Variants in MNAT1 observed in about 807,000 individuals in gnomAD.
MNAT1 encodes CDK-activating kinase assembly factor MAT1.
In MNAT1, 43 loss-of-function variants were observed where a neutral mutation model predicts 42.0. That is an observed-to-expected ratio of 1.02 (90% CI 0.80 to 1.32). MNAT1 has a LOEUF of 1.32. Ranked by LOEUF, MNAT1 falls within the 40% of genes most tolerant of loss-of-function variation. MNAT1 has a pLI of 0.00. For missense variants in MNAT1, 306 were observed against 350.4 expected, an observed-to-expected ratio of 0.87 and a Z score of 1.01; for synonymous variants, 118 against 120.0, an observed-to-expected ratio of 0.98 and a Z score of 0.11.
At chr14:60,860,703 G>A (rs1198128320) in intron 6 of MNAT1, among the ~76,000 whole-genome samples, 1 of 152,054 alleles carries the variant, frequency 6.6e-6, no homozygotes, top group Non-Finnish European at 1.5e-5. Flanking sequence ...GGATTTGACT[G>A]TTCAGAACTC....
At chr14:60,952,965 G>A (rs1017854427) in intron 7 of MNAT1, among the ~76,000 whole-genome samples, 1 of 152,034 alleles carries the variant, frequency 6.6e-6, no homozygotes, top group Non-Finnish European at 1.5e-5. Flanking sequence ...TGATATTATG[G>A]AAATCAGAAA....
rs1426933775 is a variant in MNAT1 at position 60,968,612 on chromosome 14, CTA to C, written c.*267_*268del. Reference sequence around the variant, plus strand: ...TGGAAGAGAGGAATAAATAATTCACCTATATGTGTTTGAGGTTGTGACAGACT... The same window carrying C: ...TGGAAGAGAGGAATAAATAATTCACCTATGTGTTTGAGGTTGTGACAGACT... On this transcript the variant is annotated 3_prime_UTR_variant, in exon 8 of 8. Transcript: ENST00000261245. 6.3e-6 allele frequency: 6 copies of C among 959,918 alleles called. No individual in the cohort carries two copies. In the East Asian group the frequency reaches 2.4e-4, roughly 38 times the overall value. 59.5% of individuals were successfully genotyped at this position (959,918 alleles called of 1,614,324 possible).
intron 7 of MNAT1, among the ~76,000 whole-genome samples, chr14:60,939,779 G>A (rs1032230849): frequency 3.9e-5 from 6 of 152,140 alleles, no homozygotes; most frequent in Non-Finnish European, 5.9e-5. Flanking sequence ...TCAGTTCCTG[G>A]AGAGCCTTGT....
At chr14:60,825,526 A>G (rs1045475195) in intron 6 of MNAT1, among the ~76,000 whole-genome samples, 8 of 152,222 alleles carry the variant, frequency 5.3e-5, no homozygotes, top group Admixed American at 3.3e-4. Flanking sequence ...GCAAGAATAC[A>G]GACATTACTT....
chr14:60,748,335 A>G (rs1345185127), intron 1 of MNAT1, among the ~76,000 whole-genome samples: 1 of 152,086 alleles, frequency 6.6e-6, no homozygotes, highest in African/African-American at 2.4e-5. Context: ...GGCTTAAGCA[A>G]TCCTTCAGCT....
intron 6 of MNAT1, among the ~76,000 whole-genome samples, chr14:60,832,891 A>T (rs2033266162): frequency 6.6e-6 from 1 of 152,066 alleles, no homozygotes; most frequent in Non-Finnish European, 1.5e-5. Context: ...AAGGTCCTTC[A>T]CATCCCTTGT....
chr14:60,776,780 G>C (rs545427084), intron 1 of MNAT1, among the ~76,000 whole-genome samples: 2 of 152,178 alleles, frequency 1.3e-5, no homozygotes, highest in Non-Finnish European at 2.9e-5. Context: ...CAGGAAAAAG[G>C]TGTACAACAT....
At chr14:60,934,281 C>T (rs947371836) in intron 7 of MNAT1, among the ~76,000 whole-genome samples, 5 of 152,180 alleles carry the variant, frequency 3.3e-5, no homozygotes, top group African/African-American at 7.2e-5. Flanking sequence ...TGGAAACAGA[C>T]ATGTAAGCAT....
At chr14:60,937,867 G>C (rs1182904942) in intron 7 of MNAT1, among the ~76,000 whole-genome samples, 2 of 152,094 alleles carry the variant, frequency 1.3e-5, no homozygotes, top group Non-Finnish European at 2.9e-5. Context: ...CATGAGCATG[G>C]AATGTTCTTC....
intron 7 of MNAT1, among the ~76,000 whole-genome samples, chr14:60,887,191 C>T (rs1474406540): frequency 7.4e-6 from 1 of 134,856 alleles, no homozygotes; most frequent in African/African-American, 2.8e-5. Flanking sequence ...GTTGTTGTTA[C>T]ATATCAGAGC....
At chr14:60,836,230 A>G (rs1471224855) in intron 6 of MNAT1, among the ~76,000 whole-genome samples, 2 of 152,034 alleles carry the variant, frequency 1.3e-5, no homozygotes, top group Non-Finnish European at 2.9e-5. Flanking sequence ...TGTGAAGCCT[A>G]CTTCTGTCAG....
chr14:60,901,771 C>A (rs998153816), intron 7 of MNAT1, among the ~76,000 whole-genome samples: 2 of 152,172 alleles, frequency 1.3e-5, no homozygotes, highest in African/African-American at 4.8e-5. Context: ...TGAATTACTA[C>A]AGTCTTATAA....
chr14:60,862,920 C>A (rs369436428), intron 6 of MNAT1, among the ~76,000 whole-genome samples: 140 of 152,078 alleles, frequency 9.2e-4, no homozygotes, highest in African/African-American at 3.3e-3. Context: ...GGTGGTAGAA[C>A]AAAGTGTGCA....
chr14:60,929,170 A>AAAAAT (rs1555336771), intron 7 of MNAT1, among the ~76,000 whole-genome samples: 3 of 47,462 alleles, frequency 6.3e-5, no homozygotes, highest in East Asian at 4.8e-4. Flanking sequence ...AAAAAAAAAA[A>AAAAAT]ATATATATAT....
chr14:60,771,592 T>A (rs1307940649), intron 1 of MNAT1, among the ~76,000 whole-genome samples: 1 of 152,226 alleles, frequency 6.6e-6, no homozygotes, highest in Non-Finnish European at 1.5e-5. Flanking sequence ...AAAGTCCTTA[T>A]AGCGTCCCTT....
chr14:60,897,123 A>T (rs1221374860), intron 7 of MNAT1, among the ~76,000 whole-genome samples: 2 of 152,190 alleles, frequency 1.3e-5, no homozygotes, highest in Non-Finnish European at 2.9e-5. Flanking sequence ...AATGTTTATG[A>T]GTAAATTTCT....
intron 1 of MNAT1, among the ~76,000 whole-genome samples, chr14:60,773,888 G>C (rs2031155030): frequency 6.6e-6 from 1 of 152,198 alleles, no homozygotes; most frequent in Non-Finnish European, 1.5e-5. Context: ...ATGTTCTCAA[G>C]AGGTAGAAGC....
chr14:60,905,204 T>C (rs1007621950), intron 7 of MNAT1, among the ~76,000 whole-genome samples: 5 of 151,982 alleles, frequency 3.3e-5, no homozygotes, highest in Non-Finnish European at 7.4e-5. Context: ...GAAGCTTAAA[T>C]TCTCCTGTAA....
chr14:60,736,276 G>A (rs1419510285), intron 1 of MNAT1, among the ~76,000 whole-genome samples: 1 of 151,532 alleles, frequency 6.6e-6, no homozygotes, highest in African/African-American at 2.4e-5. Flanking sequence ...TGTTATGGTG[G>A]AACAGGAAAG....
Sources: gnomAD v4.1 joint callset for allele counts (sites outside exome capture counted in the v4.1 genomes callset) on GRCh38, gnomAD v4.1.1 for gene constraint, MANE v1.5 for transcripts, NCBI Gene and HGNC (gene_info 2026-07-23, HGNC 2026-07-21) for gene names.